Variants in ZNF654 observed in about 807,000 individuals in gnomAD.
ZNF654 encodes the protein zinc finger protein 654.
A neutral mutation model predicts 95.3 loss-of-function variants in ZNF654; 19 were observed. The observed-to-expected ratio is 0.20, with a 90% CI of 0.14 to 0.29. The LOEUF (loss-of-function observed/expected upper bound fraction) is 0.29. ZNF654 is among the 10% of genes least tolerant of loss of function. ZNF654 has a pLI of 1.00. For synonymous variants in ZNF654, 413 were observed against 457.9 expected, an observed-to-expected ratio of 0.90 and a Z score of 1.25; for missense variants, 1,046 against 1,341.0, an observed-to-expected ratio of 0.78 and a Z score of 3.44.
chr3:88,098,929 C>T (rs1704230385), intron 2 of ZNF654, among the ~76,000 whole-genome samples: 1 of 152,080 alleles, frequency 6.6e-6, no homozygotes, highest in Non-Finnish European at 1.5e-5. Context: ...CTGGCACAAG[C>T]AGGGATGCCC....
rs866766832 is a variant in ZNF654 at position 88,059,559 on chromosome 3, C to T, written c.186+54C>T. The T allele has an allele frequency of 9.8e-5, 142 of 1,446,528 alleles. No individual in the cohort carries two copies. The Middle Eastern group carries it at 2.3e-3, about 24-fold the overall frequency. 89.6% of individuals were successfully genotyped at this position (1,446,528 alleles called of 1,614,324 possible). A position where few individuals can be genotyped will look rare whatever the true frequency, so the allele number is the denominator to read the frequency against. ...GTCACCCGGGTCCTGGGCCTCTCTG[C>T]GTCTCCTGGTCTTCTCGTCCATGAA... On this transcript the variant is annotated intron_variant, in intron 1 of 8. Coordinates refer to ENST00000636215, the MANE Select transcript of ZNF654 (RefSeq NM_001350134.2).
Position 88,137,067 on chromosome 3 carries a change from C to T in ZNF654, c.1036-1638C>T, listed in dbSNP as rs1450450594. ...AAAATTAGCCAAGTGTGGTGGCTCA[C>T]GCCTGTAGTCCCAGCTACTGGGGAG... On this transcript the variant is annotated intron_variant, in intron 7 of 8. Transcript: ENST00000636215. Among the ~76,000 whole-genome samples, 11 of 151,868 alleles carry T rather than the reference C, an allele frequency of 7.2e-5. No individual in the cohort carries two copies. The South Asian group carries it at 1.0e-3, about 14-fold the overall frequency.
Position 88,126,125 on chromosome 3 carries a change from C to G in ZNF654, c.415-9C>G. ...AATTCACAGAGCCAAAATGATTTTTCTCTCCTAGGAATGCCAGAATCACCT... is the reference window on the plus strand; with the variant it reads ...AATTCACAGAGCCAAAATGATTTTTGTCTCCTAGGAATGCCAGAATCACCT... On this transcript the variant is annotated splice_polypyrimidine_tract_variant and intron_variant, in intron 3 of 8. Transcript: ENST00000636215. 1 of 1,468,624 alleles carries G rather than the reference C, an allele frequency of 6.8e-7. No homozygotes were observed. The highest frequency in any genetic ancestry group is 1.3e-5 in the South Asian group (1 of 74,230). 91.0% of individuals were successfully genotyped at this position (1,468,624 alleles called of 1,614,324 possible).
At chr3:88,102,098 CTT>C (rs1553696164) in intron 2 of ZNF654, among the ~76,000 whole-genome samples, 1 of 151,984 alleles carries the variant, frequency 6.6e-6, no homozygotes, top group Non-Finnish European at 1.5e-5. Flanking sequence ...TATATCTTGT[CTT>C]TTCATTTTCT....
At chr3:88,081,538 AT>A (rs1432505405) in intron 1 of ZNF654, among the ~76,000 whole-genome samples, 1 of 152,158 alleles carries the variant, frequency 6.6e-6, no homozygotes, top group Non-Finnish European at 1.5e-5. Context: ...CATTGCTAAC[AT>A]TTATTTAATT....
At chr3:88,105,138 C>T (rs1246570000) in intron 2 of ZNF654, among the ~76,000 whole-genome samples, 14 of 152,176 alleles carry the variant, frequency 9.2e-5, no homozygotes, top group Non-Finnish European at 8.8e-5. Flanking sequence ...GACTCCATCT[C>T]AGAAAACAAA....
At chr3:88,080,830 A>T (rs556116765) in intron 1 of ZNF654, among the ~76,000 whole-genome samples, 42 of 152,332 alleles carry the variant, frequency 2.8e-4, no homozygotes, top group African/African-American at 8.9e-4. Flanking sequence ...TTGTTTTTAA[A>T]TTTTTTAAAA....
intron 4 of ZNF654, among the ~76,000 whole-genome samples, chr3:88,127,371 A>G (rs542561651): frequency 6.6e-6 from 1 of 152,138 alleles, no homozygotes; most frequent in East Asian, 1.9e-4. Context: ...GCTAAGGTAT[A>G]CGTGACAGTG....
chr3:88,140,054 A>G lies in ZNF654; in HGVS notation c.2385A>G (p.Gln795=), dbSNP rs1576357530. The G allele has an allele frequency of 3.1e-6, 5 of 1,613,782 alleles. No homozygotes were observed. The highest frequency in any genetic ancestry group is 4.5e-5 in the East Asian group (2 of 44,890). The change falls in exon 8 of 9, where the codon CAA becomes CAG. Residue 795 remains glutamine (Q), a synonymous_variant. Coordinates refer to ENST00000636215, the MANE Select transcript of ZNF654 (RefSeq NM_001350134.2). The stretch of plus-strand genomic sequence containing the variant: ...GAAAATGCAAATTTTGTCAAAGGCA[A>G]TTTGAAGATTCTCAACATTTTATAG... ...SKGKCKFCQR[Q]FEDSQHFIDH...
intron 2 of ZNF654, among the ~76,000 whole-genome samples, chr3:88,097,043 T>C (rs895799625): frequency 6.6e-6 from 1 of 152,180 alleles, no homozygotes; most frequent in African/African-American, 2.4e-5. Flanking sequence ...CTCTTATGTG[T>C]ATATCAAAAT....
At chr3:88,101,105 C>CT (rs201217767) in intron 2 of ZNF654, among the ~76,000 whole-genome samples, 2 of 152,084 alleles carry the variant, frequency 1.3e-5, no homozygotes, top group Non-Finnish European at 2.9e-5. Flanking sequence ...TGCTAGTTAT[C>CT]TTTTTTTATG....
At chr3:88,087,852 T>C (rs1576241765) in intron 2 of ZNF654, among the ~76,000 whole-genome samples, 1 of 151,088 alleles carries the variant, frequency 6.6e-6, no homozygotes, top group Non-Finnish European at 1.5e-5. Context: ...GCATTAGAGG[T>C]TGAGTATCCC....
intron 3 of ZNF654, among the ~76,000 whole-genome samples, chr3:88,124,564 T>A (rs1396076846): frequency 6.6e-6 from 1 of 152,220 alleles, no homozygotes; most frequent in Non-Finnish European, 1.5e-5. Flanking sequence ...TATGAAAGAA[T>A]ATGACAGTTT....
chr3:88,075,073 G>C (rs1707726311), intron 1 of ZNF654, among the ~76,000 whole-genome samples: 1 of 152,090 alleles, frequency 6.6e-6, no homozygotes, highest in Non-Finnish European at 1.5e-5. Context: ...TTCCATGGAC[G>C]GTAGCCCCAG....
Position 88,141,672 on chromosome 3 carries a change from TC to T in ZNF654, c.*21del, listed in dbSNP as rs775038614. The T allele has an allele frequency of 2.0e-6, 3 of 1,502,096 alleles. No homozygotes were observed. The highest frequency in any genetic ancestry group is 3.9e-5 in the Admixed American group (2 of 50,884). 93.0% of individuals were successfully genotyped at this position (1,502,096 alleles called of 1,614,324 possible). On this transcript the variant is annotated 3_prime_UTR_variant, in exon 9 of 9. Transcript: ENST00000636215. The stretch of plus-strand genomic sequence containing the variant: ...GCCTGATGAAAACGGTTCAGAAAGA[TC>T]TGTCAATCAAGCAGTAGTGTGAAAA...
At chr3:88,116,376 A>G (rs904393228) in intron 3 of ZNF654, among the ~76,000 whole-genome samples, 1 of 151,832 alleles carries the variant, frequency 6.6e-6, no homozygotes, top group African/African-American at 2.4e-5. Context: ...CAAAATTAGC[A>G]GGTCGTGGCG....
intron 7 of ZNF654, among the ~76,000 whole-genome samples, chr3:88,137,194 CAA>C (rs11401199): frequency 2.6e-3 from 181 of 70,712 alleles, no homozygotes; most frequent in African/African-American, 0.011. Context: ...GACTCTGTCT[CAA>C]AAAAAAAAAA....
chr3:88,074,299 C>T (rs1331943993), intron 1 of ZNF654, among the ~76,000 whole-genome samples: 1 of 151,194 alleles, frequency 6.6e-6, no homozygotes, highest in Admixed American at 6.6e-5. Flanking sequence ...TCTTTTAGCC[C>T]TCTAAAGGAG....
rs1706954793 is a variant in ZNF654 at position 88,138,738 on chromosome 3, A to G, written c.1069A>G (p.Ile357Val). The change falls in exon 8 of 9, where the codon ATA becomes GTA. Residue 357 changes from isoleucine (I) to valine (V), a missense_variant. This residue lies in a region of ZNF654 where 78 missense variants were observed against 154.2 expected (regional missense o/e 0.51). Transcript: ENST00000636215. Reference protein sequence around the residue: ...EEEGLQICVEICGCALQLDLH... With the variant: ...EEEGLQICVEVCGCALQLDLH... Reference sequence around the variant, plus strand: ...AGAAGGCTTGCAAATTTGTGTTGAAATATGTGGTTGTGCTCTACAACTCGA... The same window carrying G: ...AGAAGGCTTGCAAATTTGTGTTGAAGTATGTGGTTGTGCTCTACAACTCGA... 12 of 1,231,990 alleles carry G rather than the reference A, an allele frequency of 9.7e-6. No individual in the cohort carries two copies. The highest frequency in any genetic ancestry group is 1.2e-5 in the Non-Finnish European group (12 of 987,860). 76.3% of individuals were successfully genotyped at this position (1,231,990 alleles called of 1,614,324 possible). A position where few individuals can be genotyped will look rare whatever the true frequency, so the allele number is the denominator to read the frequency against.
Sources: allele counts gnomAD v4.1 joint callset (sites outside exome capture counted in the v4.1 genomes callset), GRCh38; gene constraint gnomAD v4.1.1; regional missense constraint gnomAD v4.1.1; transcripts MANE v1.5; gene names NCBI Gene and HGNC (gene_info 2026-07-23, HGNC 2026-07-21).